Variants in SLC2A9 observed in about 807,000 individuals in gnomAD.
SLC2A9 encodes solute carrier family 2, facilitated glucose transporter member 9.
A neutral mutation model predicts 50.6 loss-of-function variants in SLC2A9; 39 were observed. The observed-to-expected ratio is 0.77, with a 90% confidence interval of 0.60 to 1.01. The LOEUF (loss-of-function observed/expected upper bound fraction) is 1.01. SLC2A9 is among the 50% of genes least tolerant of loss of function. The pLI is 0.00. For missense variants in SLC2A9, 686 were observed against 677.6 expected (o/e 1.01, Z -0.14); for synonymous variants, 324 against 276.9 (o/e 1.17, Z -1.69).
intron 10 of SLC2A9, among the ~76,000 whole-genome samples, chr4:9,866,083 C>T (rs1463365290): frequency 6.6e-6 from 1 of 152,054 alleles, no homozygotes; most frequent in African/African-American, 2.4e-5. Context: ...GGGAAAGGGC[C>T]CCAGTCCTTG....
At chr4:9,976,004 C>A (rs1208073559) in intron 5 of SLC2A9, among the ~76,000 whole-genome samples, 1 of 152,150 alleles carries the variant, frequency 6.6e-6, no homozygotes, top group Non-Finnish European at 1.5e-5. Flanking sequence ...GAACAGAAAA[C>A]CAAACACTGC....
chr4:9,829,286 C>T (rs977885494), intron 11 of SLC2A9, among the ~76,000 whole-genome samples: 1 of 152,034 alleles, frequency 6.6e-6, no homozygotes, highest in African/African-American at 2.4e-5. Flanking sequence ...CGCCTGTTAT[C>T]CCAGCTACTT....
intron 1 of SLC2A9, among the ~76,000 whole-genome samples, chr4:10,020,007 C>G (rs1038934452): frequency 2.0e-5 from 3 of 151,872 alleles, no homozygotes; most frequent in Admixed American, 2.0e-4. Context: ...CTCCGGAAGG[C>G]ACCTTCTTTG....
At chr4:9,803,041 C>T (rs1317203362) in intron 3 of SLC2A9, among the ~76,000 whole-genome samples, 1 of 152,208 alleles carries the variant, frequency 6.6e-6, no homozygotes, top group African/African-American at 2.4e-5. Context: ...GGAGATGAAA[C>T]TTGCTTGGCA....
At position 9,890,726 on chromosome 4, in the gene SLC2A9, AAGAG is replaced by A. The variant is rs141838570; in HGVS notation, c.1114-19_1114-16del. The A allele has an allele frequency of 2.5e-6, 4 of 1,595,914 alleles. No homozygotes were observed. Among genetic ancestry groups the A allele is most frequent in the South Asian group, 1.1e-5 (1 of 90,502 alleles). ...ATGACCAAACCCTAGTCCAGGGTAAAAGAGAGAGAGAGAGCTATTATTCCATTTC... is the reference window on the plus strand; with the variant it reads ...ATGACCAAACCCTAGTCCAGGGTAAAAGAGAGAGAGCTATTATTCCATTTC... On this transcript the variant is annotated splice_polypyrimidine_tract_variant and intron_variant, in intron 8 of 11. Coordinates refer to ENST00000264784, the MANE Select transcript of SLC2A9 (RefSeq NM_020041.3).
At chr4:9,834,339 T>C (rs1303515458) in intron 11 of SLC2A9, among the ~76,000 whole-genome samples, 2 of 152,186 alleles carry the variant, frequency 1.3e-5, no homozygotes, top group Non-Finnish European at 2.9e-5. Context: ...GGACTCAACA[T>C]ATATATGTGT....
upstream of SLC2A9, among the ~76,000 whole-genome samples, chr4:10,026,425 T>G (rs971819695): frequency 6.6e-6 from 1 of 152,206 alleles, no homozygotes; most frequent in Non-Finnish European, 1.5e-5. Flanking sequence ...AGTGGAAATG[T>G]GAAATGGTTT....
intron 3 of SLC2A9, among the ~76,000 whole-genome samples, chr4:9,780,567 G>T (rs1311542507): frequency 1.3e-5 from 2 of 152,188 alleles, no homozygotes; most frequent in African/African-American, 2.4e-5. Flanking sequence ...GGAGGAGAAA[G>T]TCCAGTCTGT....
At chr4:9,857,883 C>T (rs1730978024) in intron 10 of SLC2A9, among the ~76,000 whole-genome samples, 1 of 152,166 alleles carries the variant, frequency 6.6e-6, no homozygotes, top group Non-Finnish European at 1.5e-5. Context: ...GCTATCCCCT[C>T]CACTGAAGCC....
Position 10,021,276 on chromosome 4 carries a change from T to G in SLC2A9, c.150+4A>C, listed in dbSNP as rs1223598220. 3.1e-6 allele frequency: 5 copies of G among 1,613,136 alleles called. No homozygotes were observed. The highest frequency in any genetic ancestry group is 4.2e-6 in the Non-Finnish European group (5 of 1,179,990). On this transcript the variant is annotated splice_donor_region_variant and intron_variant, in intron 1 of 11. Transcript: ENST00000264784. ...AGCCATGCAGAAAAGCTGTCCGTAGTTACCTTTCTTCTCCTTCCACCTGGC... is the reference window on the plus strand; with the variant it reads ...AGCCATGCAGAAAAGCTGTCCGTAGGTACCTTTCTTCTCCTTCCACCTGGC...
Position 9,912,862 on chromosome 4 carries a change from G to GGT in SLC2A9, c.1003-4518_1003-4517insAC, listed in dbSNP as rs1742100308. Among the ~76,000 whole-genome samples, 3 of 152,296 alleles carry GGT rather than the reference G, an allele frequency of 2.0e-5. No homozygotes were observed. The South Asian group carries it at 6.2e-4, about 32-fold the overall frequency. On this transcript the variant is annotated intron_variant, in intron 7 of 11. Coordinates refer to ENST00000264784, the MANE Select transcript of SLC2A9 (RefSeq NM_020041.3). Reference sequence around the variant, plus strand: ...ATGGGGAAGTTATCCTGGATTATCTGGGTGAGCTGTAAATGTAATCACCAG... The same window carrying GGT: ...ATGGGGAAGTTATCCTGGATTATCTGGTGGTGAGCTGTAAATGTAATCACCAG...
chr4:9,890,806 T>C, intron 8 of SLC2A9, 95 bp from the exon 9 acceptor site: 1 of 1,122,080 alleles, frequency 8.9e-7, no homozygotes, highest in East Asian at 2.5e-5. Context: ...GCATCATGAT[T>C]AAAAACCGGC....
intron 5 of SLC2A9, among the ~76,000 whole-genome samples, chr4:9,955,711 AATTG>A (rs1284014234): frequency 1.3e-5 from 2 of 151,916 alleles, no homozygotes; most frequent in Non-Finnish European, 2.9e-5. Context: ...AGGAGGCAAG[AATTG>A]AGGTTGCTGC....
intron 5 of SLC2A9, among the ~76,000 whole-genome samples, chr4:9,979,202 C>G (rs1755293460): frequency 6.6e-6 from 1 of 152,186 alleles, no homozygotes; most frequent in African/African-American, 2.4e-5. Context: ...TGTGAGAGCT[C>G]TGTCCCTTAC....
chr4:9,950,962 ACC>A (rs1359908424), intron 5 of SLC2A9, among the ~76,000 whole-genome samples: 1 of 151,928 alleles, frequency 6.6e-6, no homozygotes, highest in African/African-American at 2.4e-5. Context: ...AAATACAATT[ACC>A]ATTCAATCCA....
intron 10 of SLC2A9, among the ~76,000 whole-genome samples, chr4:9,872,914 C>CA (rs959506335): frequency 6.6e-6 from 1 of 152,248 alleles, no homozygotes; most frequent in African/African-American, 2.4e-5. Context: ...TGTGACCTCT[C>CA]AGTGCATTGA....
chr4:10,014,434 C>T (rs886535881), intron 2 of SLC2A9, among the ~76,000 whole-genome samples: 16 of 152,338 alleles, frequency 1.1e-4, no homozygotes, highest in Admixed American at 6.5e-4. Context: ...CCTCCCAGGG[C>T]GAGCCTTGGC....
chr4:9,974,299 G>T (rs1754409585), intron 5 of SLC2A9, among the ~76,000 whole-genome samples: 1 of 152,172 alleles, frequency 6.6e-6, no homozygotes, highest in Non-Finnish European at 1.5e-5. Flanking sequence ...TCAGGCAAGA[G>T]AAAGAAATAA....
intron 5 of SLC2A9, 85 bp from the exon 6 acceptor site, chr4:9,942,130 C>T: frequency 6.5e-7 from 1 of 1,548,562 alleles, no homozygotes; most frequent in South Asian, 1.1e-5. Flanking sequence ...TGGTTTCGAC[C>T]CTGCAGAAGG....
Sources: gnomAD v4.1 joint callset for allele counts (sites outside exome capture counted in the v4.1 genomes callset) on GRCh38, gnomAD v4.1.1 for gene constraint, MANE v1.5 for transcripts, NCBI Gene and HGNC (gene_info 2026-07-23, HGNC 2026-07-21) for gene names.